Variants in UBE4B observed in about 807,000 individuals in gnomAD.
The protein encoded by UBE4B is ubiquitin conjugation factor E4 B.
A neutral mutation model predicts 148.1 loss-of-function variants in UBE4B; 27 were observed. That is an observed-to-expected ratio of 0.18 (90% CI 0.13 to 0.25). The LOEUF (loss-of-function observed/expected upper bound fraction) is 0.25, where lower values mean the gene tolerates loss of function less well. Among genes scored for constraint, UBE4B ranks in the 10% least tolerant of loss-of-function variants. The probability of loss-of-function intolerance (pLI) is 1.00; values close to 1 mark genes in which losing one functional copy is unlikely to be tolerated. For synonymous variants in UBE4B, 596 were observed against 619.3 expected (o/e 0.96, Z 0.56); for missense variants, 1,170 against 1,662.4 (o/e 0.70, Z 5.15).
At chr1:10,100,866 T>G in intron 3 of UBE4B, 1 of 458,416 alleles carries the variant, frequency 2.2e-6, no homozygotes, top group Non-Finnish European at 3.9e-6. Context: ...TGATATACTT[T>G]TAAAAAGTAA....
chr1:10,036,793 C>T (rs1210294686), intron 1 of UBE4B, among the ~76,000 whole-genome samples: 1 of 152,000 alleles, frequency 6.6e-6, no homozygotes, highest in Non-Finnish European at 1.5e-5. Flanking sequence ...CAAAATAATA[C>T]ACTTATATTA....
intron 1 of UBE4B, 34 bp from the exon 2 acceptor site, chr1:10,071,994 A>G: frequency 1.3e-6 from 2 of 1,518,036 alleles, no homozygotes; most frequent in Non-Finnish European, 1.8e-6. Flanking sequence ...TCTGCTGATT[A>G]GTTATAGAAT....
intron 2 of UBE4B, chr1:10,073,262 T>A (rs1301909901): frequency 2.0e-5 from 3 of 152,288 alleles, no homozygotes; most frequent in African/African-American, 7.2e-5. Flanking sequence ...CCTGGAATGC[T>A]GGAATCTGTC....
At chr1:10,111,215 C>T (rs1645214867) in intron 7 of UBE4B, among the ~76,000 whole-genome samples, 1 of 151,488 alleles carries the variant, frequency 6.6e-6, no homozygotes, top group Non-Finnish European at 1.5e-5. Flanking sequence ...CCACATACTA[C>T]ACACACACAC....
intron 1 of UBE4B, 44 bp downstream of exon 1, chr1:10,033,738 G>C (rs777653966): frequency 1.3e-6 from 2 of 1,522,990 alleles, no homozygotes; most frequent in Non-Finnish European, 1.8e-6. Context: ...TTGGCAACTC[G>C]TTAGCGCTTT....
At chr1:10,097,821 T>A (rs746658838) in intron 3 of UBE4B, among the ~76,000 whole-genome samples, 53 of 152,024 alleles carry the variant, frequency 3.5e-4, no homozygotes, top group Non-Finnish European at 1.0e-4. Flanking sequence ...AAAAAAGTAA[T>A]AAATAAATAA....
At chr1:10,103,637 T>TG (rs1428596757) in intron 5 of UBE4B, among the ~76,000 whole-genome samples, 8 of 146,462 alleles carry the variant, frequency 5.5e-5, no homozygotes, top group South Asian at 2.1e-4. Flanking sequence ...TTTTTGTTTT[T>TG]TTTTTTTTTT....
In UBE4B at chr1:10,121,953, G is replaced by A; in HGVS notation, c.1440-9G>A. 1 of 1,595,994 alleles carries A rather than the reference G, an allele frequency of 6.3e-7. No homozygotes were observed. The highest frequency in any genetic ancestry group is 2.2e-5 in the East Asian group (1 of 44,696). On this transcript the variant is annotated splice_polypyrimidine_tract_variant and intron_variant, in intron 9 of 27. Coordinates refer to ENST00000343090, the MANE Select transcript of UBE4B (RefSeq NM_001105562.3). Reference sequence around the variant, plus strand: ...TTCATCACCGTCCCTAATGTTCATGGGTCCACAGGTCCTTGCAGCAGCCGT... The same window carrying A: ...TTCATCACCGTCCCTAATGTTCATGAGTCCACAGGTCCTTGCAGCAGCCGT...
At chr1:10,164,542 G>A (rs1646218062) in intron 23 of UBE4B, among the ~76,000 whole-genome samples, 1 of 152,124 alleles carries the variant, frequency 6.6e-6, no homozygotes, top group Admixed American at 6.6e-5. Context: ...TTGGAATGCA[G>A]GTCTATAGCA....
intron 18 of UBE4B, among the ~76,000 whole-genome samples, chr1:10,146,320 C>T (rs1284693784): frequency 1.3e-5 from 2 of 152,134 alleles, no homozygotes; most frequent in African/African-American, 2.4e-5. Flanking sequence ...GGTGTGGTGG[C>T]ACACGACTGA....
chr1:10,111,086 C>CACAT (rs1553146632), intron 7 of UBE4B, among the ~76,000 whole-genome samples: 6 of 147,086 alleles, frequency 4.1e-5, no homozygotes, highest in African/African-American at 1.6e-4. Flanking sequence ...CACACACACA[C>CACAT]ACACACAGTC....
intron 25 of UBE4B, among the ~76,000 whole-genome samples, chr1:10,178,431 CT>C (rs1646459159): frequency 6.6e-6 from 1 of 152,116 alleles, no homozygotes; most frequent in African/African-American, 2.4e-5. Flanking sequence ...TTATTCCAGT[CT>C]TTATCCATTT....
At chr1:10,037,788 T>C (rs1643597922) in intron 1 of UBE4B, among the ~76,000 whole-genome samples, 1 of 151,842 alleles carries the variant, frequency 6.6e-6, no homozygotes, top group Non-Finnish European at 1.5e-5. Context: ...ACTCCTGGGC[T>C]CAAGTGATCC....
At chr1:10,054,134 T>C (rs1272424324) in intron 1 of UBE4B, among the ~76,000 whole-genome samples, 2 of 152,252 alleles carry the variant, frequency 1.3e-5, no homozygotes, top group African/African-American at 4.8e-5. Flanking sequence ...TTTTAATTTT[T>C]ATTTTTGTAA....
chr1:10,078,341 C>T (rs905942085), intron 2 of UBE4B, among the ~76,000 whole-genome samples: 2 of 152,188 alleles, frequency 1.3e-5, no homozygotes, highest in East Asian at 3.9e-4. Flanking sequence ...AAATGTAGGG[C>T]TTACTGCAGG....
chr1:10,154,048 A>C lies in UBE4B; in HGVS notation c.2926+2487A>C, dbSNP rs534179593. On this transcript the variant is annotated intron_variant, in intron 21 of 27. Coordinates refer to ENST00000343090, the MANE Select transcript of UBE4B (RefSeq NM_001105562.3). ...GGTGAGCCAAGATCGCGCCATTGTAATCCAGCCTGGGCAACAAGAGCAAAA... is the reference window on the plus strand; with the variant it reads ...GGTGAGCCAAGATCGCGCCATTGTACTCCAGCCTGGGCAACAAGAGCAAAA... Among the ~76,000 whole-genome samples the C allele has an allele frequency of 2.0e-5, 3 of 150,192 alleles. No individual in the cohort carries two copies. In the South Asian group the frequency reaches 6.3e-4, roughly 32 times the overall value.
At chr1:10,061,364 C>T (rs1027118416) in intron 1 of UBE4B, among the ~76,000 whole-genome samples, 8 of 152,148 alleles carry the variant, frequency 5.3e-5, no homozygotes, top group African/African-American at 1.2e-4. Flanking sequence ...AAGCAATTCT[C>T]CTGCCTCAGC....
intron 7 of UBE4B, among the ~76,000 whole-genome samples, chr1:10,110,453 T>G (rs1296739266): frequency 1.3e-5 from 2 of 152,116 alleles, no homozygotes; most frequent in African/African-American, 4.8e-5. Context: ...TGAAATAATC[T>G]GTACAGCAAA....
At chr1:10,052,817 A>G (rs541242756) in intron 1 of UBE4B, among the ~76,000 whole-genome samples, 32 of 152,194 alleles carry the variant, frequency 2.1e-4, no homozygotes, top group Non-Finnish European at 4.1e-4. Context: ...TGGCTTGTAC[A>G]CAGCAGCAAT....
Sources: allele counts gnomAD v4.1 joint callset (sites outside exome capture counted in the v4.1 genomes callset), GRCh38; gene constraint gnomAD v4.1.1; transcripts MANE v1.5; gene names NCBI Gene and HGNC (gene_info 2026-07-23, HGNC 2026-07-21).